TRANK1: variants seen among roughly 807,000 people sequenced by gnomAD.
TRANK1 encodes tetratricopeptide repeat and ankyrin repeat containing 1.
In TRANK1, 198 loss-of-function variants were observed where a neutral mutation model predicts 266.0. That is an observed-to-expected ratio of 0.74 (90% CI 0.66 to 0.84). The LOEUF (loss-of-function observed/expected upper bound fraction) is 0.84, where lower values mean the gene tolerates loss of function less well. TRANK1 is among the 40% of genes least tolerant of loss of function. The pLI, the probability that TRANK1 is intolerant of heterozygous loss-of-function variation, is 0.00. For synonymous variants in TRANK1, 1,396 were observed against 1,384.1 expected (o/e 1.01, Z -0.19); for missense variants, 3,326 against 3,634.6 (o/e 0.92, Z 2.18).
Position 36,889,926 on chromosome 3 carries a change from G to A in TRANK1, c.810C>T (p.His270=), listed in dbSNP as rs2079664169. 6.5e-7 allele frequency: 1 copy of A among 1,537,204 alleles called. No homozygotes were observed. The highest frequency in any genetic ancestry group is 2.4e-5 in the East Asian group (1 of 40,916). The part of the protein sequence containing the change: ...ENHLFRWLMD[H]KPEWKGRINQ... Reference sequence around the variant, plus strand: ...TAATGCGGCCTTTCCACTCGGGCTTGTGATCCATTAACCACCGGAAAAGAT... The same window carrying A: ...TAATGCGGCCTTTCCACTCGGGCTTATGATCCATTAACCACCGGAAAAGAT... Residue 270 remains histidine, a synonymous_variant, in exon 8 of 24, where the codon CAC becomes CAT. Transcript: ENST00000645898.
At chr3:36,865,026 T>TG (rs1553622246) in intron 9 of TRANK1, among the ~76,000 whole-genome samples, 8 of 129,776 alleles carry the variant, frequency 6.2e-5, no homozygotes, top group Admixed American at 7.6e-5. Flanking sequence ...TTTTTTTGGT[T>TG]TTTTTTTTTT....
Position 36,847,231 on chromosome 3 carries a change from C to A in TRANK1, c.5003G>T (p.Arg1668Leu), listed in dbSNP as rs373643551. 1.2e-6 allele frequency: 2 copies of A among 1,613,314 alleles called. No individual in the cohort carries two copies. Among genetic ancestry groups the A allele is most frequent in the Admixed American group, 3.3e-5 (2 of 59,922 alleles). ...CATTTCTGGATTCACCATGAGAGAT[C>A]GACCCTGAGAAGAGCCTGGTTTGTC... ...PLDKPGSSQG[R>L]SLMVNPEMYK... Residue 1668 changes from arginine to leucine, a missense_variant, in exon 16 of 24, where the codon CGA becomes CTA. Transcript: ENST00000645898.
chr3:36,864,202 T>G (rs1333468668), intron 10 of TRANK1, 117 bp downstream of exon 10: 1 of 1,172,632 alleles, frequency 8.5e-7, no homozygotes, highest in Admixed American at 3.1e-5. Context: ...TCTGAATGTT[T>G]TACATGTAGA....
In TRANK1 at chr3:36,857,403, C is replaced by T. The variant is rs1245017351; in HGVS notation, c.2319G>A (p.Lys773=). 4.3e-6 allele frequency: 7 copies of T among 1,613,416 alleles called. No homozygotes were observed. The South Asian group carries it at 6.6e-5, about 15-fold the overall frequency. The part of the protein sequence containing the change: ...GAGKEGKKDD[K]PTLGAGAPDC... The stretch of plus-strand genomic sequence containing the variant: ...CAGGGGCCCCTGCACCCAGAGTCGG[C>T]TTGTCATCTTTCTTTCCTTCTTTGC... Residue 773 remains lysine, a synonymous_variant, in exon 13 of 24, where the codon AAG becomes AAA. Transcript: ENST00000645898. This position sits in a 1 kb window ranked among gnomAD's most constrained non-coding sequence, Gnocchi z 4.3.
At chr3:36,850,389 A>G in intron 15 of TRANK1, 1 of 985,464 alleles carries the variant, frequency 1.0e-6, no homozygotes, top group South Asian at 4.7e-5. Flanking sequence ...AAATGGAAAG[A>G]GATTTAGAAC....
At position 36,831,735 on chromosome 3, in the gene TRANK1, C is replaced by A; in HGVS notation, c.7848G>T (p.Lys2616Asn). 6.2e-7 allele frequency: 1 copy of A among 1,614,002 alleles called. No individual in the cohort carries two copies. Among genetic ancestry groups the A allele is most frequent in the Non-Finnish European group, 8.5e-7 (1 of 1,179,894 alleles). Residue 2616 changes from lysine (K) to asparagine (N), a missense_variant, in exon 22 of 24, where the codon AAG becomes AAT. Physicochemically the swap from Lys to Asn is moderately conservative, Grantham distance 94 (BLOSUM62 0). Coordinates refer to ENST00000645898, the MANE Select transcript of TRANK1 (RefSeq NM_001329998.2). This position sits in a 1 kb window ranked among gnomAD's most constrained non-coding sequence, Gnocchi z 5.0. ...TCACATTGACTGCCACCAAGACCCG[C>A]TTCACCACCTTCAGGAGCCTCTCGG... ...QVPERLLKVVKRVLVAVNVKS... is the reference protein window; with the variant it reads ...QVPERLLKVVNRVLVAVNVKS...
chr3:36,834,728 G>A (rs1184878308), intron 21 of TRANK1, 34 bp downstream of exon 21: 1 of 1,593,212 alleles, frequency 6.3e-7, no homozygotes, highest in African/African-American at 1.3e-5. Flanking sequence ...GTGGGAGGAA[G>A]AGAGGGAGAA....
At chr3:36,849,949 C>T (rs1362105505) in intron 15 of TRANK1, 2 of 875,146 alleles carry the variant, frequency 2.3e-6, no homozygotes. Context: ...CAGGCAACTC[C>T]CTGAGCCATT....
At chr3:36,844,955 T>A (rs2078895957) in intron 17 of TRANK1, among the ~76,000 whole-genome samples, 1 of 151,954 alleles carries the variant, frequency 6.6e-6, no homozygotes, top group Non-Finnish European at 1.5e-5. Flanking sequence ...ACAACAATTT[T>A]CTCCTTCATG....
chr3:36,909,741 C>T (rs1575302205), intron 1 of TRANK1, among the ~76,000 whole-genome samples: 1 of 152,182 alleles, frequency 6.6e-6, no homozygotes, highest in East Asian at 1.9e-4. Context: ...AACAATTTGA[C>T]TTCTTGGGAA....
intron 8 of TRANK1, among the ~76,000 whole-genome samples, chr3:36,879,789 AAT>A (rs1329780776): frequency 8.9e-5 from 6 of 67,400 alleles, no homozygotes; most frequent in Non-Finnish European, 1.6e-4. Context: ...TAAATATGTA[AAT>A]ATATAAATAT....
chr3:36,888,604 C>A (rs1334194996), intron 8 of TRANK1, among the ~76,000 whole-genome samples: 1 of 152,172 alleles, frequency 6.6e-6, no homozygotes, highest in Non-Finnish European at 1.5e-5. Context: ...TCGCTGGGCT[C>A]CTCCTGAGAG....
intron 2 of TRANK1, among the ~76,000 whole-genome samples, chr3:36,907,296 G>A (rs1233950978): frequency 4.6e-5 from 7 of 151,692 alleles, no homozygotes; most frequent in East Asian, 1.9e-4. Context: ...GATTACAGGC[G>A]TGCGCCACTA....
intron 1 of TRANK1, among the ~76,000 whole-genome samples, chr3:36,936,152 GC>G (rs1159261938): frequency 2.6e-5 from 4 of 152,142 alleles, no homozygotes; most frequent in African/African-American, 7.2e-5. Context: ...GTAATTCCTA[GC>G]TTTTTGGAAC....
chr3:36,928,372 A>G (rs1170557689), intron 1 of TRANK1, among the ~76,000 whole-genome samples: 1 of 152,182 alleles, frequency 6.6e-6, no homozygotes. Flanking sequence ...AGCCAACTTT[A>G]AAGTCCTGTT....
rs1559448720 is a variant in TRANK1, at chr3:36,879,787, T to TATAC, written c.908-5492_908-5491insGTAT. ...ATATATATAAATATATATAAATATG[T>TATAC]AAATATATAAATATACAAATATATG... is the stretch of plus-strand genomic sequence containing the variant. On this transcript the variant is annotated intron_variant, in intron 8 of 23. Coordinates refer to ENST00000645898, the MANE Select transcript of TRANK1 (RefSeq NM_001329998.2). Among the ~76,000 whole-genome samples, 144 of 49,650 alleles carry TATAC rather than the reference T, an allele frequency of 2.9e-3. 34 individuals carry two copies. The highest frequency in any genetic ancestry group is 0.016 in the Middle Eastern group (1 of 62). The allele number at this position is 49,650 out of a possible 152,430, so 32.6% of individuals were successfully genotyped here.
chr3:36,873,264 A>G (rs1156264097), intron 9 of TRANK1, among the ~76,000 whole-genome samples: 5 of 152,244 alleles, frequency 3.3e-5, no homozygotes, highest in African/African-American at 1.2e-4. Context: ...CTGTAAGTCT[A>G]CTATCTATGC....
At chr3:36,851,101 T>C (rs1025880652) in intron 15 of TRANK1, 2 of 985,360 alleles carry the variant, frequency 2.0e-6, no homozygotes, top group Non-Finnish European at 2.4e-6. Flanking sequence ...CCACAAGGAC[T>C]CAGGAGCCAA....
At chr3:36,879,364 A>G (rs1048885827) in intron 8 of TRANK1, among the ~76,000 whole-genome samples, 3 of 151,536 alleles carry the variant, frequency 2.0e-5, no homozygotes, top group African/African-American at 7.3e-5. Context: ...AAAGGAAGCA[A>G]CTACAGAGAG....
Sources: allele counts gnomAD v4.1 joint callset (sites outside exome capture counted in the v4.1 genomes callset), GRCh38; gene constraint gnomAD v4.1.1; non-coding constraint Gnocchi (gnomAD v3.1); transcripts MANE v1.5; gene names NCBI Gene and HGNC (gene_info 2026-07-23, HGNC 2026-07-21).